XIRP2: variants seen among roughly 807,000 people sequenced by gnomAD.
XIRP2 encodes xin actin-binding repeat-containing protein 2.
XIRP2 carries 236 observed loss-of-function variants against 277.0 expected under a neutral mutation model. The observed-to-expected ratio is 0.85, with a 90% CI of 0.77 to 0.95. XIRP2 has a LOEUF of 0.95. Among genes scored for constraint, XIRP2 ranks in the 40% least tolerant of loss-of-function variants. The pLI is 0.00. For missense variants in XIRP2, 4,640 were observed against 4,157.5 expected, an observed-to-expected ratio of 1.12 and a Z score of -3.19; for synonymous variants, 1,490 against 1,416.5, an observed-to-expected ratio of 1.05 and a Z score of -1.17.
intron 2 of XIRP2, among the ~76,000 whole-genome samples, chr2:166,938,691 G>A (rs890372495): frequency 2.0e-5 from 3 of 152,246 alleles, no homozygotes; most frequent in Admixed American, 1.3e-4. Flanking sequence ...TGTTGACAGT[G>A]GGGTTTTAAA....
intron 3 of XIRP2, among the ~76,000 whole-genome samples, chr2:167,194,039 A>G (rs981745560): frequency 3.3e-5 from 5 of 151,794 alleles, no homozygotes; most frequent in African/African-American, 1.2e-4. Flanking sequence ...TCAGGGGTTG[A>G]TATATAAATT....
At chr2:167,184,676 T>C (rs771090804) in intron 3 of XIRP2, 1 of 709,312 alleles carries the variant, frequency 1.4e-6, no homozygotes, top group Non-Finnish European at 2.6e-6. Flanking sequence ...GTACTGCTTC[T>C]GGGTCTCATT....
At chr2:167,203,150 C>A (rs1393277433) in intron 3 of XIRP2, among the ~76,000 whole-genome samples, 1 of 152,096 alleles carries the variant, frequency 6.6e-6, no homozygotes, top group Non-Finnish European at 1.5e-5. Flanking sequence ...ATCCCTTTTG[C>A]CATGTAAGGT....
intron 2 of XIRP2, among the ~76,000 whole-genome samples, chr2:167,028,412 G>A (rs746612174): frequency 6.6e-6 from 1 of 152,142 alleles, no homozygotes; most frequent in South Asian, 2.1e-4. Context: ...AAAAGTGTCT[G>A]CCTGGTAATC....
chr2:167,038,420 C>T (rs1574193996), intron 2 of XIRP2, among the ~76,000 whole-genome samples: 1 of 151,248 alleles, frequency 6.6e-6, no homozygotes, highest in Non-Finnish European at 1.5e-5. Flanking sequence ...CTTTAATATA[C>T]ATAAATATTG....
intron 2 of XIRP2, among the ~76,000 whole-genome samples, chr2:167,026,037 C>G (rs1375985307): frequency 6.6e-6 from 1 of 152,000 alleles, no homozygotes. Context: ...GTTGATCTGT[C>G]TAATGTTGAG....
rs574125530 is a variant in XIRP2 at position 167,052,577 on chromosome 2, C to G, written c.409-83332C>G. ...TACTAAAATACTCCAAATTTTCTTC[C>G]ATCGATCTACATAACAGTACTTTTA... On this transcript the variant is annotated intron_variant, in intron 2 of 10. Coordinates refer to ENST00000409195, the MANE Select transcript of XIRP2 (RefSeq NM_152381.6). 4.6e-5 allele frequency among the ~76,000 whole-genome samples: 7 copies of G among 152,210 alleles called. No individual in the cohort carries two copies. The South Asian group carries it at 1.5e-3, about 32-fold the overall frequency.
chr2:167,166,996 G>C (rs1692540805), intron 3 of XIRP2, among the ~76,000 whole-genome samples: 1 of 152,048 alleles, frequency 6.6e-6, no homozygotes, highest in Non-Finnish European at 1.5e-5. Context: ...ATCAGTTTGT[G>C]CCTCTCATAG....
At chr2:167,133,603 G>C (rs1397836811) in intron 2 of XIRP2, among the ~76,000 whole-genome samples, 1 of 152,122 alleles carries the variant, frequency 6.6e-6, no homozygotes, top group African/African-American at 2.4e-5. Flanking sequence ...TCATCAGTCT[G>C]AGTCCATGGA....
rs529416332 is a variant in XIRP2, at chr2:166,913,322, C to A, written c.408+9432C>A. On this transcript the variant is annotated intron_variant, in intron 2 of 10. Transcript: ENST00000409195. Reference sequence around the variant, plus strand: ...AGCAATGGTGGGCACCCCCCCCCCCCAGCCTCGCTGCTGCCTTGCAGATCA... The same window carrying A: ...AGCAATGGTGGGCACCCCCCCCCCCAAGCCTCGCTGCTGCCTTGCAGATCA... 8.4e-4 allele frequency among the ~76,000 whole-genome samples: 127 copies of A among 150,658 alleles called. 1 individual carries two copies. In the Middle Eastern group the frequency reaches 0.01, roughly 12 times the overall value.
chr2:167,003,229 A>G (rs1574151355), intron 2 of XIRP2, among the ~76,000 whole-genome samples: 1 of 68,842 alleles, frequency 1.5e-5, no homozygotes, highest in East Asian at 2.6e-4. Flanking sequence ...GCATAGGTAG[A>G]AAAAAAAAGA....
rs148302201 is a variant in XIRP2 at position 166,894,528 on chromosome 2, G to A, written c.-19+5971G>A. Among the ~76,000 whole-genome samples, 1,149 of 152,204 alleles carry A rather than the reference G, an allele frequency of 7.5e-3. 8 individuals are homozygous for A. The highest frequency in any genetic ancestry group is 0.01 in the Non-Finnish European group (686 of 68,020). On this transcript the variant is annotated intron_variant, in intron 1 of 10. Transcript: ENST00000409195. ...TACCTATTAAAAATGCACTAATTGAGTTGCTCTTAATATCTACTGAGTTGG... is the reference window on the plus strand; with the variant it reads ...TACCTATTAAAAATGCACTAATTGAATTGCTCTTAATATCTACTGAGTTGG...
chr2:167,071,385 A>G (rs537068995), intron 2 of XIRP2, among the ~76,000 whole-genome samples: 89 of 152,330 alleles, frequency 5.8e-4, no homozygotes, highest in Non-Finnish European at 6.5e-4. Context: ...AATATGAGTT[A>G]CAAATATAAG....
At chr2:166,937,612 A>C (rs1026046038) in intron 2 of XIRP2, among the ~76,000 whole-genome samples, 4 of 152,098 alleles carry the variant, frequency 2.6e-5, no homozygotes, top group South Asian at 2.1e-4. Context: ...GGCCTCATAA[A>C]ATGAGTTAGG....
chr2:167,006,689 G>C (rs1031149768), intron 2 of XIRP2, among the ~76,000 whole-genome samples: 1 of 151,662 alleles, frequency 6.6e-6, no homozygotes, highest in Non-Finnish European at 1.5e-5. Context: ...CCCAGCAACA[G>C]GCACATAGTT....
intron 4 of XIRP2, 112 bp downstream of exon 4, chr2:167,211,007 G>C (rs971125408): frequency 7.5e-7 from 1 of 1,330,424 alleles, no homozygotes; most frequent in Non-Finnish European, 1.0e-6. Context: ...AAAGTAGAAA[G>C]AGCACAAAAA....
intron 2 of XIRP2, among the ~76,000 whole-genome samples, chr2:167,021,087 A>C (rs1472665210): frequency 1.3e-5 from 2 of 152,002 alleles, no homozygotes; most frequent in African/African-American, 4.8e-5. Context: ...GAGGATTATT[A>C]TTTTTAATTG....
chr2:167,251,861 T>C lies in XIRP2; in HGVS notation c.10469T>C (p.Val3490Ala). 1.2e-6 allele frequency: 2 copies of C among 1,610,146 alleles called. No individual in the cohort carries two copies. The highest frequency in any genetic ancestry group is 1.7e-6 in the Non-Finnish European group (2 of 1,178,402). ...FQKTWQESGR[V>A]FKGLGYATAD... ...AAGACGTGGCAAGAGAGTGGAAGAG[T>C]TTTTAAAGGCCTGGGATATGCAACC... The change falls in exon 9 of 11, where the codon GTT becomes GCT. Residue 3490 changes from valine to alanine, a missense_variant. By Grantham distance (64) the Val-to-Ala change is moderately conservative. Transcript: ENST00000409195.
intron 3 of XIRP2, among the ~76,000 whole-genome samples, chr2:167,171,347 G>A (rs1692685029): frequency 1.3e-5 from 2 of 151,874 alleles, no homozygotes; most frequent in Non-Finnish European, 2.9e-5. Context: ...TCTACTCATG[G>A]GGTACTTTGA....
Sources: allele counts gnomAD v4.1 joint callset (sites outside exome capture counted in the v4.1 genomes callset), GRCh38; gene constraint gnomAD v4.1.1; transcripts MANE v1.5; gene names NCBI Gene and HGNC (gene_info 2026-07-23, HGNC 2026-07-21).